BTBD1: variants seen among roughly 807,000 people sequenced by gnomAD.
BTBD1 encodes the protein BTB/POZ domain-containing protein 1.
Under a neutral mutation model 48.0 loss-of-function variants are expected in BTBD1, and 34 were observed. The observed-to-expected ratio is 0.71, with a 90% CI of 0.54 to 0.94. The LOEUF (loss-of-function observed/expected upper bound fraction) is 0.94, where lower values mean the gene tolerates loss of function less well. Ranked by LOEUF, BTBD1 falls within the 40% of genes least tolerant of loss-of-function variation. The pLI is 0.00. For synonymous variants in BTBD1, 261 were observed against 242.1 expected (o/e 1.08, Z -0.72); for missense variants, 543 against 625.6 (o/e 0.87, Z 1.41).
Position 83,017,873 on chromosome 15 carries a change from T to A in BTBD1, c.*194A>T, listed in dbSNP as rs2151297870. 2.8e-6 allele frequency: 1 copy of A among 361,530 alleles called. No homozygotes were observed. Among genetic ancestry groups the A allele is most frequent in the African/African-American group, 2.1e-5 (1 of 47,632 alleles). 22.4% of individuals were successfully genotyped at this position (361,530 alleles called of 1,614,324 possible). A position where few individuals can be genotyped will look rare whatever the true frequency, so the allele number is the denominator to read the frequency against. On this transcript the variant is annotated 3_prime_UTR_variant, in exon 8 of 8. Coordinates refer to ENST00000261721, the MANE Select transcript of BTBD1 (RefSeq NM_025238.4). ...AAACCCAGTTCTTTTCTCTTAAAGTTGTAAGAAAATGGAAAATCTGTTTTT... is the reference window on the plus strand; with the variant it reads ...AAACCCAGTTCTTTTCTCTTAAAGTAGTAAGAAAATGGAAAATCTGTTTTT...
chr15:83,044,059 G>T (rs1199690541), intron 3 of BTBD1, among the ~76,000 whole-genome samples: 3 of 152,086 alleles, frequency 2.0e-5, no homozygotes, highest in Non-Finnish European at 4.4e-5. Context: ...GAGAAAAGAG[G>T]AAATTTGTGA....
At chr15:83,024,715 C>A (rs1297822911) in intron 5 of BTBD1, among the ~76,000 whole-genome samples, 2 of 152,176 alleles carry the variant, frequency 1.3e-5, no homozygotes, top group African/African-American at 4.8e-5. Flanking sequence ...TCACAGCCTC[C>A]TTCCTCAGCC....
At chr15:83,024,536 TTTTG>T (rs1295411152) in intron 5 of BTBD1, among the ~76,000 whole-genome samples, 1 of 152,260 alleles carries the variant, frequency 6.6e-6, no homozygotes, top group Non-Finnish European at 1.5e-5. Flanking sequence ...ATGGTTTCAG[TTTTG>T]TTTAATGTTA....
chr15:83,026,665 G>C (rs1340819337), intron 5 of BTBD1, among the ~76,000 whole-genome samples: 3 of 151,892 alleles, frequency 2.0e-5, no homozygotes, highest in African/African-American at 7.3e-5. Context: ...TGGTATTACA[G>C]GCATGTGCCC....
At chr15:83,026,422 A>C (rs545001018) in intron 5 of BTBD1, among the ~76,000 whole-genome samples, 2 of 152,156 alleles carry the variant, frequency 1.3e-5, no homozygotes, top group South Asian at 2.1e-4. Context: ...TCAACTTTTA[A>C]GTGTCTTGCC....
chr15:83,017,859 T>C lies in BTBD1; in HGVS notation c.*208A>G. ...TTTTTTAAACCATTAAACCCAGTTCTTTTCTCTTAAAGTTGTAAGAAAATG... is the reference window on the plus strand; with the variant it reads ...TTTTTTAAACCATTAAACCCAGTTCCTTTCTCTTAAAGTTGTAAGAAAATG... On this transcript the variant is annotated 3_prime_UTR_variant, in exon 8 of 8. Transcript: ENST00000261721. 1 of 328,756 alleles carries C rather than the reference T, an allele frequency of 3.0e-6. No individual in the cohort carries two copies. The allele number at this position is 328,756 out of a possible 1,614,324, so 20.4% of individuals were successfully genotyped here. A position where few individuals can be genotyped will look rare whatever the true frequency, so the allele number is the denominator to read the frequency against.
At chr15:83,029,004 T>C (rs1429148218) in intron 5 of BTBD1, among the ~76,000 whole-genome samples, 1 of 152,196 alleles carries the variant, frequency 6.6e-6, no homozygotes, top group Non-Finnish European at 1.5e-5. Flanking sequence ...TTCTAGCTAC[T>C]TGGGCTGAAT....
chr15:83,039,794 AC>A (rs1234330188), intron 4 of BTBD1, among the ~76,000 whole-genome samples: 6 of 146,196 alleles, frequency 4.1e-5, no homozygotes, highest in Non-Finnish European at 7.6e-5. Context: ...AAAAAAAAAA[AC>A]CACAAACAAC....
At chr15:83,027,704 A>G (rs2032435753) in intron 5 of BTBD1, among the ~76,000 whole-genome samples, 1 of 152,266 alleles carries the variant, frequency 6.6e-6, no homozygotes, top group East Asian at 1.9e-4. Flanking sequence ...AATTTCAGCC[A>G]GTAGGCAAGT....
chr15:83,055,679 G>A (rs2033070428), intron 2 of BTBD1, among the ~76,000 whole-genome samples: 1 of 152,192 alleles, frequency 6.6e-6, no homozygotes, highest in African/African-American at 2.4e-5. Flanking sequence ...CAAGTTTCCA[G>A]ATTACAGGTC....
At chr15:83,057,031 T>C (rs1299359288) in intron 1 of BTBD1, among the ~76,000 whole-genome samples, 1 of 152,104 alleles carries the variant, frequency 6.6e-6, no homozygotes, top group African/African-American at 2.4e-5. Flanking sequence ...AAAAGCTAAG[T>C]AAGGCACAGT....
At chr15:83,050,828 A>G (rs559189871) in intron 2 of BTBD1, among the ~76,000 whole-genome samples, 1 of 152,206 alleles carries the variant, frequency 6.6e-6, no homozygotes, top group Non-Finnish European at 1.5e-5. Context: ...ATATTATACA[A>G]CAATGAGAAT....
chr15:83,052,575 C>G (rs1211778671), intron 2 of BTBD1, among the ~76,000 whole-genome samples: 1 of 151,588 alleles, frequency 6.6e-6, no homozygotes, highest in Admixed American at 6.6e-5. Flanking sequence ...CACAGTTATA[C>G]ATTTTCAAGT....
At chr15:83,036,131 C>A (rs1596432340) in intron 4 of BTBD1, among the ~76,000 whole-genome samples, 4 of 128,352 alleles carry the variant, frequency 3.1e-5, no homozygotes, top group Non-Finnish European at 1.6e-5. Flanking sequence ...AGAATAATAG[C>A]TTGATTCCTC....
At chr15:83,041,037 T>G (rs1280268756) in intron 4 of BTBD1, among the ~76,000 whole-genome samples, 1 of 150,876 alleles carries the variant, frequency 6.6e-6, no homozygotes, top group African/African-American at 2.4e-5. Context: ...CTATAGTCCC[T>G]GCTATTTGGG....
chr15:83,044,419 C>T (rs923388769), intron 3 of BTBD1: 14 of 1,577,010 alleles, frequency 8.9e-6, no homozygotes, highest in African/African-American at 2.7e-5. Flanking sequence ...GGACAGCAAA[C>T]GCTTTGATGA....
intron 6 of BTBD1, 42 bp downstream of exon 6, chr15:83,020,633 G>C (rs998604584): frequency 9.5e-6 from 12 of 1,265,546 alleles, no homozygotes; most frequent in East Asian, 4.7e-5. Flanking sequence ...TTACCTGTTT[G>C]TGTTATTTCA....
chr15:83,026,517 C>CTTTTTT (rs563990083), intron 5 of BTBD1, among the ~76,000 whole-genome samples: 6 of 88,288 alleles, frequency 6.8e-5, no homozygotes, highest in Admixed American at 1.4e-4. Flanking sequence ...TTTTTTAGTG[C>CTTTTTT]TTTTTTTTTT....
intron 3 of BTBD1, among the ~76,000 whole-genome samples, chr15:83,048,190 CAGG>C (rs1358784978): frequency 2.0e-5 from 3 of 152,256 alleles, no homozygotes; most frequent in East Asian, 3.9e-4. Flanking sequence ...CCAAGAATAA[CAGG>C]AGTTTTTAGC....
Sources: allele counts gnomAD v4.1 joint callset (sites outside exome capture counted in the v4.1 genomes callset), GRCh38; gene constraint gnomAD v4.1.1; transcripts MANE v1.5; gene names NCBI Gene and HGNC (gene_info 2026-07-23, HGNC 2026-07-21).